XKR9: variants seen among roughly 807,000 people sequenced by gnomAD.
XKR9 encodes XK related 9.
In XKR9, 32 loss-of-function variants were observed where a neutral mutation model predicts 32.0. The observed-to-expected ratio is 1.00, with a 90% CI of 0.76 to 1.34. The LOEUF (loss-of-function observed/expected upper bound fraction) is 1.34. Ranked by LOEUF, XKR9 falls within the 40% of genes most tolerant of loss-of-function variation. The probability of loss-of-function intolerance (pLI) is 0.00; values close to 1 mark genes in which losing one functional copy is unlikely to be tolerated. For missense variants in XKR9, 546 were observed against 429.7 expected (o/e 1.27, Z -2.39); for synonymous variants, 168 against 143.4 (o/e 1.17, Z -1.22).
intron 2 of XKR9, among the ~76,000 whole-genome samples, chr8:70,757,431 T>G (rs1196106610): frequency 6.6e-6 from 1 of 152,202 alleles, no homozygotes; most frequent in African/African-American, 2.4e-5. Flanking sequence ...ATTATTTCAG[T>G]TATTACACTT....
the XKR9 span, among the ~76,000 whole-genome samples, chr8:71,010,889 T>G: frequency 6.6e-6 from 1 of 152,186 alleles, no homozygotes; most frequent in African/African-American, 2.4e-5. Context: ...TCAGTTAGCA[T>G]GCAAATTGTC....
At chr8:71,057,810 C>T in the XKR9 span, among the ~76,000 whole-genome samples, 3 of 152,300 alleles carry the variant, frequency 2.0e-5, no homozygotes, top group East Asian at 3.9e-4. Context: ...TCCCACATAA[C>T]ATTTTCTCCA....
chr8:70,887,766 A>AT, the XKR9 span, among the ~76,000 whole-genome samples: 1 of 151,976 alleles, frequency 6.6e-6, no homozygotes, highest in Non-Finnish European at 1.5e-5. Flanking sequence ...ATTTTTGCAC[A>AT]TTTTATTGTA....
intron 3 of XKR9, among the ~76,000 whole-genome samples, chr8:70,682,607 C>G (rs1358204253): frequency 6.6e-5 from 10 of 152,062 alleles, no homozygotes; most frequent in African/African-American, 2.4e-4. Flanking sequence ...TACTGTTTTG[C>G]TTTTTCTCTA....
chr8:70,762,685 T>G (rs1807324467), intron 2 of XKR9, among the ~76,000 whole-genome samples: 1 of 152,172 alleles, frequency 6.6e-6, no homozygotes, highest in African/African-American at 2.4e-5. Context: ...AGAGGTTAGT[T>G]TCAGCTGTTC....
At chr8:70,806,328 T>G in the XKR9 span, among the ~76,000 whole-genome samples, 1 of 152,156 alleles carries the variant, frequency 6.6e-6, no homozygotes, top group African/African-American at 2.4e-5. Context: ...TGAAAAGATG[T>G]TGAAAACCCA....
chr8:70,698,792 G>A (rs1190083520), intron 3 of XKR9, among the ~76,000 whole-genome samples: 2 of 152,136 alleles, frequency 1.3e-5, no homozygotes, highest in African/African-American at 4.8e-5. Flanking sequence ...GGGTGTTAAA[G>A]TCTCCCATTA....
the XKR9 span, among the ~76,000 whole-genome samples, chr8:70,870,715 C>T: frequency 6.6e-6 from 1 of 152,246 alleles, no homozygotes; most frequent in East Asian, 1.9e-4. Flanking sequence ...ATAGAATAAT[C>T]CAAGAAAGTT....
At chr8:70,786,340 T>C (rs1215266497) in intron 2 of XKR9, among the ~76,000 whole-genome samples, 1 of 152,238 alleles carries the variant, frequency 6.6e-6, no homozygotes, top group Middle Eastern at 3.4e-3. Context: ...TAATTTTCTG[T>C]ATGGATGATC....
At chr8:70,821,746 C>T in the XKR9 span, among the ~76,000 whole-genome samples, 9 of 152,324 alleles carry the variant, frequency 5.9e-5, no homozygotes, top group East Asian at 1.9e-4. Flanking sequence ...TTTTAAGCCA[C>T]GGCTGGGATG....
chr8:70,948,082 A>G, the XKR9 span, among the ~76,000 whole-genome samples: 1 of 152,192 alleles, frequency 6.6e-6, no homozygotes, highest in African/African-American at 2.4e-5. Context: ...ATTAGTGTGT[A>G]AGATGAAAGC....
At chr8:70,996,093 G>T in the XKR9 span, among the ~76,000 whole-genome samples, 1 of 152,112 alleles carries the variant, frequency 6.6e-6, no homozygotes, top group African/African-American at 2.4e-5. Flanking sequence ...ATTTGCTGGG[G>T]CCCTGTAAAT....
rs1277153758 is a variant in XKR9 at position 70,699,070 on chromosome 8, A to G, written c.273-7863A>G. On this transcript the variant is annotated intron_variant, in intron 3 of 4. Transcript: ENST00000408926. ...TCCTCCATCCTTTTATTTTGAGCCTATGTGTGTCTCTGCACGTGAGATGGG... is the reference window on the plus strand; with the variant it reads ...TCCTCCATCCTTTTATTTTGAGCCTGTGTGTGTCTCTGCACGTGAGATGGG... Among the ~76,000 whole-genome samples, 4 of 152,230 alleles carry G rather than the reference A, an allele frequency of 2.6e-5. No homozygotes were observed. The East Asian group carries it at 5.8e-4, about 22-fold the overall frequency.
At chr8:70,962,656 A>G in the XKR9 span, among the ~76,000 whole-genome samples, 1 of 152,206 alleles carries the variant, frequency 6.6e-6, no homozygotes, top group African/African-American at 2.4e-5. Context: ...GTGAATAGCA[A>G]TGAGAATAGA....
the XKR9 span, among the ~76,000 whole-genome samples, chr8:70,840,499 C>G: frequency 6.6e-6 from 1 of 152,050 alleles, no homozygotes; most frequent in Admixed American, 6.6e-5. Context: ...ATAAAGTAAT[C>G]TTCAGTGTTG....
chr8:70,822,723 C>T, the XKR9 span, among the ~76,000 whole-genome samples: 5 of 151,970 alleles, frequency 3.3e-5, no homozygotes, highest in Non-Finnish European at 5.9e-5. Context: ...GACTTGTTTC[C>T]TTCCATCTCT....
chr8:70,709,049 C>A (rs925964068), intron 4 of XKR9, among the ~76,000 whole-genome samples: 1 of 152,044 alleles, frequency 6.6e-6, no homozygotes, highest in East Asian at 1.9e-4. Context: ...AAATCCTCAA[C>A]AAAATACTAT....
intron 2 of XKR9, among the ~76,000 whole-genome samples, chr8:70,749,332 C>G (rs1462438265): frequency 2.0e-5 from 3 of 150,288 alleles, no homozygotes; most frequent in African/African-American, 7.4e-5. Context: ...AGAAGAGCTG[C>G]GGCCCTTCTG....
chr8:70,699,486 T>A (rs528100407), intron 3 of XKR9, among the ~76,000 whole-genome samples: 363 of 152,268 alleles, frequency 2.4e-3, no homozygotes, highest in African/African-American at 8.5e-3. Flanking sequence ...AAAATTCTTT[T>A]CTTTCAGAAT....
Sources: allele counts gnomAD v4.1 joint callset (sites outside exome capture counted in the v4.1 genomes callset), GRCh38; gene constraint gnomAD v4.1.1; transcripts MANE v1.5; gene names NCBI Gene and HGNC (gene_info 2026-07-23, HGNC 2026-07-21).